The following SBNO2 variants were observed in gnomAD, a reference collection of about 807,000 sequenced individuals.
SBNO2 encodes the protein protein strawberry notch homolog 2.
Under a neutral mutation model 146.3 loss-of-function variants are expected in SBNO2, and 89 were observed. That is an observed-to-expected ratio of 0.61 (90% CI 0.51 to 0.73). The LOEUF is 0.73. Among genes scored for constraint, SBNO2 ranks in the 30% least tolerant of loss-of-function variants. SBNO2 has a pLI of 0.00. For missense variants in SBNO2, 2,092 were observed against 2,003.7 expected, an observed-to-expected ratio of 1.04 and a Z score of -0.84; for synonymous variants, 1,147 against 892.6, an observed-to-expected ratio of 1.29 and a Z score of -5.08.
chr19:1,154,318 G>A lies in SBNO2; in HGVS notation c.-42C>T, dbSNP rs112547682. 2,454 of 1,160,388 alleles carry A rather than the reference G, an allele frequency of 2.1e-3. 2 individuals are homozygous for A. The highest frequency in any genetic ancestry group is 2.5e-3 in the Non-Finnish European group (2,289 of 918,634). 71.9% of individuals were successfully genotyped at this position (1,160,388 alleles called of 1,614,324 possible). ...TGGGGTCCTCGGCCGGGCAGCAGGC[G>A]GCGGGACTCCAGGACCCGGGGCCGC... On this transcript the variant is annotated 5_prime_UTR_variant, in exon 2 of 32. Transcript: ENST00000361757.
intron 9 of SBNO2, 42 bp from the exon 10 acceptor site, chr19:1,122,600 GCCCCCCGCTTCCGCC>G: frequency 6.3e-6 from 3 of 479,658 alleles, no homozygotes; most frequent in Non-Finnish European, 8.3e-6. Flanking sequence ...CTTCCCCCTC[GCCCCCCGCTTCCGCC>G]CCCCACCCCC....
At position 1,112,138 on chromosome 19, in the gene SBNO2, G is replaced by A. The variant is rs1174428439; in HGVS notation, c.2628+51C>T. On this transcript the variant is annotated intron_variant, in intron 22 of 31. Transcript: ENST00000361757. The surrounding 1 kb of genome is among the most constrained non-coding windows in gnomAD (Gnocchi z 5.9). Reference sequence around the variant, plus strand: ...CTCTAGCACCCCACAAAGCTTTGGAGAGCCTTCCTGGGCCTGTCCCTGGTT... The same window carrying A: ...CTCTAGCACCCCACAAAGCTTTGGAAAGCCTTCCTGGGCCTGTCCCTGGTT... 9.4e-6 allele frequency: 15 copies of A among 1,598,446 alleles called. No homozygotes were observed. Among genetic ancestry groups the A allele is most frequent in the Non-Finnish European group, 1.3e-5 (15 of 1,172,438 alleles).
chr19:1,164,780 A>G (rs1425436062), intron 1 of SBNO2, among the ~76,000 whole-genome samples: 3 of 27,418 alleles, frequency 1.1e-4, no homozygotes, highest in African/African-American at 1.4e-4. Context: ...CCCAGATGCC[A>G]GGGGCAGTGG....
In SBNO2 at chr19:1,150,065, C is replaced by A. The variant is rs1183822608; in HGVS notation, c.94-623G>T. ...GAAATGGTGACCAGTGGCCTGGAGG[C>A]TCAGCCCGAGGTCAGTGGAGGCGTG... On this transcript the variant is annotated intron_variant, in intron 2 of 31. Coordinates refer to ENST00000361757, the MANE Select transcript of SBNO2 (RefSeq NM_014963.3). The surrounding 1 kb of genome is among the most constrained non-coding windows in gnomAD (Gnocchi z 6.2). 6.6e-6 allele frequency among the ~76,000 whole-genome samples: 1 copy of A among 152,166 alleles called. No homozygotes were observed. Among genetic ancestry groups the A allele is most frequent in the East Asian group, 1.9e-4 (1 of 5,208 alleles).
intron 1 of SBNO2, chr19:1,169,291 C>G (rs1482346989): frequency 6.6e-6 from 1 of 152,292 alleles, no homozygotes; most frequent in Non-Finnish European, 1.5e-5. Flanking sequence ...GGGCAAGAGG[C>G]CCAGGGGAAT....
Position 1,108,219 on chromosome 19 carries a change from G to A in SBNO2, c.*1C>T, listed in dbSNP as rs371346107. ...TGGGGCATGTTTCGCCTAAAGGCGT[G>A]TCAGAGAGGAGCCTGGGCGCCGGGG... is the stretch of plus-strand genomic sequence containing the variant. On this transcript the variant is annotated 3_prime_UTR_variant, in exon 32 of 32. Coordinates refer to ENST00000361757, the MANE Select transcript of SBNO2 (RefSeq NM_014963.3). 4 of 1,527,562 alleles carry A rather than the reference G, an allele frequency of 2.6e-6. No homozygotes were observed. Among genetic ancestry groups the A allele is most frequent in the African/African-American group, 1.4e-5 (1 of 70,590 alleles). The allele number at this position is 1,527,562 out of a possible 1,614,324, so 94.6% of individuals were successfully genotyped here.
In SBNO2 at chr19:1,172,776, CCG is replaced by C. The variant is rs1491281230; in HGVS notation, c.-127+1394_-127+1395del. On this transcript the variant is annotated intron_variant, in intron 1 of 31. Coordinates refer to ENST00000361757, the MANE Select transcript of SBNO2 (RefSeq NM_014963.3). Reference sequence around the variant, plus strand: ...CCCCTCTGTAAAACACTCACTGCAACCGCCCCCCCCGCCCCGGCAAACTGGCA... The same window carrying C: ...CCCCTCTGTAAAACACTCACTGCAACCCCCCCCCGCCCCGGCAAACTGGCA... Among the ~76,000 whole-genome samples the C allele has an allele frequency of 1.4e-4, 9 of 63,100 alleles. 1 individual carries two copies. Among genetic ancestry groups the C allele is most frequent in the African/African-American group, 6.8e-4 (7 of 10,232 alleles). 41.4% of individuals were successfully genotyped at this position (63,100 alleles called of 152,430 possible). A position where few individuals can be genotyped will look rare whatever the true frequency, so the allele number is the denominator to read the frequency against.
chr19:1,151,078 T>C (rs879571722), intron 2 of SBNO2, among the ~76,000 whole-genome samples: 1 of 152,322 alleles, frequency 6.6e-6, no homozygotes, highest in Middle Eastern at 3.4e-3. Context: ...GGTCTCCTGA[T>C]CCTTCCCCTC....
chr19:1,113,070 G>A, intron 19 of SBNO2, 121 bp from the exon 20 acceptor site: 1 of 1,209,632 alleles, frequency 8.3e-7, no homozygotes, highest in African/African-American at 1.5e-5. Flanking sequence ...GTGCACGGGA[G>A]GTGGGGGTGC....
intron 1 of SBNO2, among the ~76,000 whole-genome samples, chr19:1,172,934 C>G (rs1301967594): frequency 6.6e-6 from 1 of 151,590 alleles, no homozygotes; most frequent in Non-Finnish European, 1.5e-5. Flanking sequence ...CAGGCGGGAA[C>G]AACAGGCATT....
intron 1 of SBNO2, among the ~76,000 whole-genome samples, chr19:1,172,373 A>G (rs1003817254): frequency 6.6e-6 from 1 of 152,096 alleles, no homozygotes; most frequent in Admixed American, 6.5e-5. Flanking sequence ...CCACTGTGAG[A>G]AGCCATCACC....
chr19:1,161,611 C>A (rs549899768), intron 1 of SBNO2, among the ~76,000 whole-genome samples: 2 of 151,620 alleles, frequency 1.3e-5, no homozygotes, highest in African/African-American at 4.8e-5. Flanking sequence ...CTCAACACAG[C>A]TTTACCTCTT....
intron 24 of SBNO2, 57 bp downstream of exon 24, chr19:1,111,449 G>T: frequency 1.6e-6 from 2 of 1,214,636 alleles, no homozygotes; most frequent in Non-Finnish European, 2.4e-6. Flanking sequence ...CTGCTCTGGA[G>T]CCCAGTGCTC....
At chr19:1,149,725 T>C (rs951556245) in intron 2 of SBNO2, among the ~76,000 whole-genome samples, 8 of 152,212 alleles carry the variant, frequency 5.3e-5, no homozygotes, top group African/African-American at 1.7e-4. Flanking sequence ...CAGCCCCATG[T>C]GCAGGCCCGC....
At position 1,144,426 on chromosome 19, in the gene SBNO2, C is replaced by T. The variant is rs1006597218; in HGVS notation, c.279+2883G>A. On this transcript the variant is annotated intron_variant, in intron 4 of 31. Coordinates refer to ENST00000361757, the MANE Select transcript of SBNO2 (RefSeq NM_014963.3). The surrounding 1 kb of genome is among the most constrained non-coding windows in gnomAD (Gnocchi z 4.1). ...TGGGCAGGGAGCCGGGCGGGCGGTG[C>T]TCACAGAACCAGCACAGTGGCCCCG... Among the ~76,000 whole-genome samples, 1 of 152,174 alleles carries T rather than the reference C, an allele frequency of 6.6e-6. No individual in the cohort carries two copies.
In SBNO2 at chr19:1,123,634, C is replaced by G; in HGVS notation, c.528G>C (p.Gln176His). 6.2e-7 allele frequency: 1 copy of G among 1,611,946 alleles called. No individual in the cohort carries two copies. The highest frequency in any genetic ancestry group is 8.5e-7 in the Non-Finnish European group (1 of 1,179,374). ...CCTCCTCTGGCTGGCTCTGCACACT[C>G]TGCTCCTGCGTGCGTGGCGGGAGCT... is the stretch of plus-strand genomic sequence containing the variant. ...STPLLVSYQE[Q>H]SVQSQPEEED... Residue 176 changes from glutamine (Q) to histidine (H), a missense_variant, in exon 7 of 32, where the codon CAG (glutamine) becomes CAC (histidine). Coordinates refer to ENST00000361757, the MANE Select transcript of SBNO2 (RefSeq NM_014963.3).
chr19:1,174,138 G>T (rs2080508551), intron 1 of SBNO2, 34 bp downstream of exon 1: 1 of 151,454 alleles, frequency 6.6e-6, no homozygotes, highest in South Asian at 2.1e-4. Flanking sequence ...GGGTCGCGGT[G>T]GAGCCGGGGC....
Position 1,110,979 on chromosome 19 carries a change from G to C in SBNO2, c.2884+40C>G, listed in dbSNP as rs191437815. The C allele has an allele frequency of 8.8e-6, 14 of 1,598,746 alleles. No individual in the cohort carries two copies. Among genetic ancestry groups the C allele is most frequent in the Non-Finnish European group, 1.1e-5 (13 of 1,172,850 alleles). ...CCGAGGCCAAGGTTGCATGAGATGA[G>C]AGACAGGAGCGCCTCTGGGCCTGGG... On this transcript the variant is annotated intron_variant, in intron 25 of 31. Transcript: ENST00000361757. The surrounding 1 kb of genome is among the most constrained non-coding windows in gnomAD (Gnocchi z 4.9).
rs917720805 is a variant in SBNO2, at chr19:1,140,441, C to T, written c.279+6868G>A. 2.0e-5 allele frequency among the ~76,000 whole-genome samples: 3 copies of T among 152,208 alleles called. No individual in the cohort carries two copies. The highest frequency in any genetic ancestry group is 2.1e-4 in the South Asian group (1 of 4,830). ...AGGGACATTGAGCCTGATGGCTTCG[C>T]GCCAACCTGGAGACGGAAGGCTGAG... On this transcript the variant is annotated intron_variant, in intron 4 of 31. Transcript: ENST00000361757. This position sits in a 1 kb window ranked among gnomAD's most constrained non-coding sequence, Gnocchi z 4.4.
Sources: allele counts gnomAD v4.1 joint callset (sites outside exome capture counted in the v4.1 genomes callset), GRCh38; gene constraint gnomAD v4.1.1; non-coding constraint Gnocchi (gnomAD v3.1); transcripts MANE v1.5; gene names NCBI Gene and HGNC (gene_info 2026-07-23, HGNC 2026-07-21).